The following NBEAL1 variants were observed in gnomAD, a reference collection of about 807,000 sequenced individuals.
The protein encoded by NBEAL1 is neurobeachin like 1, also known as neurobeachin-like protein 1.
In NBEAL1, 273 loss-of-function variants were observed where a neutral mutation model predicts 351.3. The ratio of observed to expected loss-of-function variants is 0.78; its 90% CI spans 0.70 to 0.86. The LOEUF is 0.86. Among genes scored for constraint, NBEAL1 ranks in the 40% least tolerant of loss-of-function variants. The pLI is 0.00. For missense variants in NBEAL1, 2,961 were observed against 3,201.3 expected, an observed-to-expected ratio of 0.92 and a Z score of 1.81; for synonymous variants, 1,050 against 1,086.4, an observed-to-expected ratio of 0.97 and a Z score of 0.66.
chr2:203,146,158 T>A (rs572493729), intron 33 of NBEAL1, among the ~76,000 whole-genome samples: 13 of 152,192 alleles, frequency 8.5e-5, no homozygotes, highest in Admixed American at 5.2e-4. Flanking sequence ...ATGGATCAAT[T>A]TTTTGACTGA....
At chr2:203,191,334 A>G in intron 46 of NBEAL1, 1 of 95,598 alleles carries the variant, frequency 1.0e-5, no homozygotes, top group Non-Finnish European at 2.4e-5. Context: ...AAAAAAAAAA[A>G]AGAATCAAAT....
chr2:203,049,600 T>C (rs2061290712), intron 3 of NBEAL1, among the ~76,000 whole-genome samples: 1 of 152,232 alleles, frequency 6.6e-6, no homozygotes, highest in Admixed American at 6.5e-5. Context: ...TCTAATAATC[T>C]TCTAGTTACT....
At chr2:203,016,582 G>A in intron 2 of NBEAL1, 147 bp downstream of exon 2, 1 of 484,904 alleles carries the variant, frequency 2.1e-6, no homozygotes, top group Non-Finnish European at 3.4e-6. Context: ...AGGATTTTCT[G>A]TTTTCCTCTT....
In NBEAL1 at chr2:203,217,344, A is replaced by G; in HGVS notation, c.8162A>G (p.Asp2721Gly). 6.4e-7 allele frequency: 1 copy of G among 1,571,840 alleles called. No individual in the cohort carries two copies. ...GGAGAAACTGAATATAATACTCAAG[A>G]TTCCAAGTGATTGTTATTTCCATTT... ...SAGETEYNTQ[D>G]SK Residue 2721 changes from aspartate to glycine, a missense_variant, in exon 56 of 56, where the codon GAT becomes GGT. Asp to Gly is a moderately conservative substitution (Grantham distance 94). Coordinates refer to ENST00000683969, the MANE Select transcript of NBEAL1 (RefSeq NM_001378026.1).
intron 31 of NBEAL1, among the ~76,000 whole-genome samples, chr2:203,140,927 C>T (rs1016756679): frequency 1.3e-5 from 2 of 151,712 alleles, no homozygotes; most frequent in South Asian, 2.1e-4. Flanking sequence ...TGCAGTGAGC[C>T]GAGATCATGC....
intron 4 of NBEAL1, among the ~76,000 whole-genome samples, chr2:203,052,719 G>GTTATTTATTTATTTATTTAT (rs56277425): frequency 2.7e-4 from 39 of 145,508 alleles, no homozygotes; most frequent in East Asian, 1.6e-3. Context: ...ACCATGCCCA[G>GTTATTTATTTATTTATTTAT]TTATTTATTT....
chr2:203,146,913 T>C (rs2063527975), intron 33 of NBEAL1, among the ~76,000 whole-genome samples: 2 of 152,158 alleles, frequency 1.3e-5, no homozygotes. Flanking sequence ...ATTAGTAGTC[T>C]TAACAAGAAA....
intron 10 of NBEAL1, among the ~76,000 whole-genome samples, chr2:203,092,842 G>GAAT (rs554507604): frequency 1.2e-3 from 177 of 152,242 alleles, no homozygotes; most frequent in African/African-American, 4.2e-3. Context: ...CTGCAGTAAA[G>GAAT]AATAGCATCA....
chr2:203,156,064 C>A (rs964083881), intron 35 of NBEAL1, among the ~76,000 whole-genome samples: 4 of 152,254 alleles, frequency 2.6e-5, no homozygotes, highest in African/African-American at 9.6e-5. Flanking sequence ...AATTTATTAT[C>A]TTTTCTCATA....
At chr2:203,101,165 G>T (rs927816289) in intron 12 of NBEAL1, among the ~76,000 whole-genome samples, 3 of 152,016 alleles carry the variant, frequency 2.0e-5, no homozygotes, top group African/African-American at 7.2e-5. Flanking sequence ...AATCCATCTT[G>T]AGTTGATTTT....
chr2:203,201,034 G>T (rs887809379), intron 49 of NBEAL1, among the ~76,000 whole-genome samples: 3 of 152,162 alleles, frequency 2.0e-5, no homozygotes, highest in African/African-American at 7.2e-5. Flanking sequence ...AAGCTCACAG[G>T]TATTGCACTT....
intron 2 of NBEAL1, among the ~76,000 whole-genome samples, chr2:203,023,200 TAC>T (rs1252451414): frequency 1.3e-5 from 2 of 152,206 alleles, no homozygotes; most frequent in African/African-American, 4.8e-5. Flanking sequence ...GATGGACCAA[TAC>T]ATATCAACCC....
At chr2:203,178,464 G>A (rs1444036188) in intron 42 of NBEAL1, among the ~76,000 whole-genome samples, 1 of 152,066 alleles carries the variant, frequency 6.6e-6, no homozygotes, top group Non-Finnish European at 1.5e-5. Flanking sequence ...ACCTCACCTG[G>A]CCATACCCGT....
At chr2:203,054,399 C>T (rs927487251) in intron 4 of NBEAL1, among the ~76,000 whole-genome samples, 4 of 150,916 alleles carry the variant, frequency 2.7e-5, no homozygotes, top group African/African-American at 9.8e-5. Context: ...GCACTCCAGC[C>T]TGGGTGACAG....
intron 33 of NBEAL1, among the ~76,000 whole-genome samples, chr2:203,147,534 C>A (rs929409360): frequency 2.6e-5 from 4 of 151,956 alleles, no homozygotes; most frequent in African/African-American, 9.7e-5. Flanking sequence ...TAAATAAATA[C>A]AGATAGACAC....
chr2:203,203,582 A>T lies in NBEAL1; in HGVS notation c.7506+801A>T, dbSNP rs1025410782. The stretch of plus-strand genomic sequence containing the variant: ...TAAAAAACCCAGCTGAGCGTGGGAC[A>T]TGCTTGTGGTCCTGGTGGGAGGCTG... On this transcript the variant is annotated intron_variant, in intron 51 of 55. Transcript: ENST00000683969. Among the ~76,000 whole-genome samples, 3 of 152,156 alleles carry T rather than the reference A, an allele frequency of 2.0e-5. No individual in the cohort carries two copies. The East Asian group carries it at 5.8e-4, about 29-fold the overall frequency.
intron 39 of NBEAL1, among the ~76,000 whole-genome samples, chr2:203,170,307 G>C (rs2064280741): frequency 6.6e-6 from 1 of 152,106 alleles, no homozygotes; most frequent in Non-Finnish European, 1.5e-5. Flanking sequence ...GGGAGGCGGA[G>C]GTTGTGGTGA....
rs528244242 is a variant in NBEAL1 at position 203,222,838 on chromosome 2, A to G, written c.*5484A>G. On this transcript the variant is annotated 3_prime_UTR_variant, in exon 56 of 56. Coordinates refer to ENST00000683969, the MANE Select transcript of NBEAL1 (RefSeq NM_001378026.1). Reference sequence around the variant, plus strand: ...TTGGGTAAATTATCTACTACTTCCAATGACTTTTGCAGGTACAGCCTCTGT... The same window carrying G: ...TTGGGTAAATTATCTACTACTTCCAGTGACTTTTGCAGGTACAGCCTCTGT... Among the ~76,000 whole-genome samples the G allele has an allele frequency of 6.6e-6, 1 of 152,320 alleles. No individual in the cohort carries two copies. The highest frequency in any genetic ancestry group is 2.1e-4 in the South Asian group (1 of 4,832).
rs552869892 is a variant in NBEAL1 at position 203,138,190 on chromosome 2, A to T, written c.4594A>T (p.Ile1532Phe). 3.7e-6 allele frequency: 6 copies of T among 1,614,096 alleles called. No homozygotes were observed. The African/African-American group carries it at 6.7e-5, about 18-fold the overall frequency. Residue 1532 changes from isoleucine to phenylalanine, a missense_variant, in exon 30 of 56, where the codon ATC becomes TTC. Coordinates refer to ENST00000683969, the MANE Select transcript of NBEAL1 (RefSeq NM_001378026.1). ...GCTACAAAAGATGTTAGAATGGGCAATCTCAGAAAACAGAGAAGCAAAAAC... is the reference window on the plus strand; with the variant it reads ...GCTACAAAAGATGTTAGAATGGGCATTCTCAGAAAACAGAGAAGCAAAAAC... ...TLLQKMLEWAISENREAKTNP... is the reference protein window; with the variant it reads ...TLLQKMLEWAFSENREAKTNP...
Sources: allele counts gnomAD v4.1 joint callset (sites outside exome capture counted in the v4.1 genomes callset), GRCh38; gene constraint gnomAD v4.1.1; transcripts MANE v1.5; gene names NCBI Gene and HGNC (gene_info 2026-07-23, HGNC 2026-07-21).